Variants in PRKN observed in about 807,000 individuals in gnomAD.
PRKN encodes parkin RBR E3 ubiquitin protein ligase.
Under a neutral mutation model 59.5 loss-of-function variants are expected in PRKN, and 56 were observed. The ratio of observed to expected loss-of-function variants is 0.94; its 90% CI spans 0.76 to 1.18. The LOEUF (loss-of-function observed/expected upper bound fraction) is 1.18. Ranked by LOEUF, PRKN falls within the 50% of genes most tolerant of loss-of-function variation. PRKN has a pLI of 0.00. For synonymous variants in PRKN, 250 were observed against 222.1 expected (o/e 1.13, Z -1.12); for missense variants, 657 against 596.4 (o/e 1.10, Z -1.06).
intron 1 of PRKN, among the ~76,000 whole-genome samples, chr6:162,579,140 C>A (rs1283117241): frequency 6.6e-6 from 1 of 152,158 alleles, no homozygotes; most frequent in African/African-American, 2.4e-5. Context: ...GAAATCAAAG[C>A]CTGTCATTGC....
intron 9 of PRKN, among the ~76,000 whole-genome samples, chr6:161,436,467 G>T (rs982789593): frequency 1.1e-4 from 17 of 151,854 alleles, no homozygotes; most frequent in African/African-American, 4.1e-4. Context: ...TTTTGGGGGG[G>T]GGTGGGCGGA....
chr6:162,510,559 A>C (rs1473608721), intron 1 of PRKN, among the ~76,000 whole-genome samples: 1 of 152,158 alleles, frequency 6.6e-6, no homozygotes, highest in African/African-American at 2.4e-5. Context: ...TCCAGGGCCT[A>C]TTTATAATAG....
In PRKN at chr6:162,612,484, A is replaced by G. The variant is rs1782233994; in HGVS notation, c.7+115178T>C. Reference sequence around the variant, plus strand: ...GCGGTATTGAACCAGATTTCTCTCGACAAGTTAAGATGCTGACTTGCTGAG... The same window carrying G: ...GCGGTATTGAACCAGATTTCTCTCGGCAAGTTAAGATGCTGACTTGCTGAG... On this transcript the variant is annotated intron_variant, in intron 1 of 11. Transcript: ENST00000366898. 5.3e-5 allele frequency among the ~76,000 whole-genome samples: 8 copies of G among 151,330 alleles called. No individual in the cohort carries two copies. The South Asian group carries it at 1.7e-3, about 32-fold the overall frequency.
intron 6 of PRKN, among the ~76,000 whole-genome samples, chr6:161,922,458 C>T (rs1778820928): frequency 6.6e-6 from 1 of 151,732 alleles, no homozygotes; most frequent in African/African-American, 2.4e-5. Context: ...TATTAGAAAT[C>T]TGTTAAGGGA....
chr6:162,412,705 T>A (rs941565769), intron 2 of PRKN, among the ~76,000 whole-genome samples: 1 of 152,180 alleles, frequency 6.6e-6, no homozygotes, highest in Non-Finnish European at 1.5e-5. Flanking sequence ...AAAGCTCAAC[T>A]GCAAGTTAAA....
intron 6 of PRKN, among the ~76,000 whole-genome samples, chr6:161,836,888 A>G (rs548313056): frequency 9.9e-4 from 151 of 152,294 alleles, no homozygotes; most frequent in African/African-American, 3.5e-3. Flanking sequence ...CAAGGTCTCA[A>G]ATGAATGCGG....
At chr6:162,386,900 G>C (rs1356908024) in intron 2 of PRKN, among the ~76,000 whole-genome samples, 3 of 152,044 alleles carry the variant, frequency 2.0e-5, no homozygotes, top group Non-Finnish European at 4.4e-5. Context: ...AATAAATATA[G>C]ACTACGTCAA....
At chr6:161,954,548 T>TG (rs1936394881) in intron 6 of PRKN, among the ~76,000 whole-genome samples, 1 of 152,206 alleles carries the variant, frequency 6.6e-6, no homozygotes, top group Admixed American at 6.5e-5. Context: ...TGACACATAA[T>TG]GGAGGATTTT....
intron 6 of PRKN, among the ~76,000 whole-genome samples, chr6:161,903,913 G>A (rs1029168350): frequency 5.3e-5 from 8 of 151,032 alleles, no homozygotes; most frequent in Non-Finnish European, 8.8e-5. Context: ...CTGCAGTTTC[G>A]TCTGCAGGAT....
intron 4 of PRKN, among the ~76,000 whole-genome samples, chr6:162,109,818 C>T (rs542341817): frequency 2.7e-4 from 41 of 152,300 alleles, no homozygotes; most frequent in Non-Finnish European, 5.3e-4. Flanking sequence ...GTTTATGAGT[C>T]AAACTGTTTC....
rs1395696713 is a variant in PRKN at position 161,352,240 on chromosome 6, T to A, written c.1286-2029A>T. Among the ~76,000 whole-genome samples, 1 of 152,202 alleles carries A rather than the reference T, an allele frequency of 6.6e-6. No individual in the cohort carries two copies. The highest frequency in any genetic ancestry group is 2.4e-5 in the African/African-American group (1 of 41,466). Reference sequence around the variant, plus strand: ...CACTTTTATTATTAGAAACCTGGCATGAGAACTTTCACTAATTTAAAATAT... The same window carrying A: ...CACTTTTATTATTAGAAACCTGGCAAGAGAACTTTCACTAATTTAAAATAT... On this transcript the variant is annotated intron_variant, in intron 11 of 11. Coordinates refer to ENST00000366898, the MANE Select transcript of PRKN (RefSeq NM_004562.3). This position sits in a 1 kb window ranked among gnomAD's most constrained non-coding sequence, Gnocchi z 5.8.
chr6:162,434,885 A>T (rs1014883034), intron 2 of PRKN, among the ~76,000 whole-genome samples: 1 of 152,166 alleles, frequency 6.6e-6, no homozygotes, highest in Admixed American at 6.5e-5. Flanking sequence ...TGTTACAATG[A>T]CTTAGTAAAA....
chr6:161,426,308 A>C (rs1238253161), intron 9 of PRKN, among the ~76,000 whole-genome samples: 4 of 152,182 alleles, frequency 2.6e-5, no homozygotes, highest in Non-Finnish European at 4.4e-5. Flanking sequence ...AGTATTGATC[A>C]TGGGTATGTC....
chr6:161,857,038 T>C (rs9364615), intron 6 of PRKN, among the ~76,000 whole-genome samples: 75,276 of 151,340 alleles, frequency 0.5, 18,979 homozygotes, highest in East Asian at 0.76. Context: ...AAGACCAGCC[T>C]GGCCAACGTG....
chr6:162,279,230 T>TG (rs1780772316), intron 2 of PRKN, among the ~76,000 whole-genome samples: 1 of 151,546 alleles, frequency 6.6e-6, no homozygotes. Context: ...CCCAGCTACT[T>TG]GGGAGGCTGA....
intron 5 of PRKN, among the ~76,000 whole-genome samples, chr6:162,025,213 C>T (rs1400684081): frequency 1.3e-5 from 2 of 152,074 alleles, no homozygotes; most frequent in East Asian, 3.9e-4. Context: ...GACGGGGTTT[C>T]ACCGTGGTCT....
intron 9 of PRKN, among the ~76,000 whole-genome samples, chr6:161,494,939 G>T (rs1777688765): frequency 6.6e-6 from 1 of 152,048 alleles, no homozygotes; most frequent in Admixed American, 6.5e-5. Context: ...CATCTTTCTT[G>T]CCCTCTACAC....
At position 162,463,889 on chromosome 6, in the gene PRKN, T is replaced by G. The variant is rs573107593; in HGVS notation, c.8-20416A>C. Among the ~76,000 whole-genome samples, 12 of 152,330 alleles carry G rather than the reference T, an allele frequency of 7.9e-5. No individual in the cohort carries two copies. The East Asian group carries it at 2.3e-3, about 29-fold the overall frequency. ...GACACTGTCTATCATTTCCTTGACTTAGGCATTACATTCTTACTCTCTGAA... is the reference window on the plus strand; with the variant it reads ...GACACTGTCTATCATTTCCTTGACTGAGGCATTACATTCTTACTCTCTGAA... On this transcript the variant is annotated intron_variant, in intron 1 of 11. Transcript: ENST00000366898.
At chr6:161,608,871 C>T (rs1028119814) in intron 7 of PRKN, among the ~76,000 whole-genome samples, 1 of 152,076 alleles carries the variant, frequency 6.6e-6, no homozygotes, top group African/African-American at 2.4e-5. Context: ...TCATCTTGGG[C>T]TCTTTCACTG....
Sources: gnomAD v4.1 joint callset for allele counts (sites outside exome capture counted in the v4.1 genomes callset) on GRCh38, gnomAD v4.1.1 for gene constraint, Gnocchi (gnomAD v3.1) non-coding constraint, MANE v1.5 for transcripts, NCBI Gene and HGNC (gene_info 2026-07-23, HGNC 2026-07-21) for gene names.